PLXDC1: variants seen among roughly 807,000 people sequenced by gnomAD.
The protein encoded by PLXDC1 is plexin domain containing 1, also known as plexin domain-containing protein 1.
A neutral mutation model predicts 61.3 loss-of-function variants in PLXDC1; 39 were observed. That is an observed-to-expected ratio of 0.64 (90% CI 0.49 to 0.83). PLXDC1 has a LOEUF of 0.83. Ranked by LOEUF, PLXDC1 falls within the 40% of genes least tolerant of loss-of-function variation. The probability of loss-of-function intolerance (pLI) is 0.00; values close to 1 mark genes in which losing one functional copy is unlikely to be tolerated. For synonymous variants in PLXDC1, 212 were observed against 254.5 expected, an observed-to-expected ratio of 0.83 and a Z score of 1.59; for missense variants, 596 against 666.5, an observed-to-expected ratio of 0.89 and a Z score of 1.17.
chr17:39,079,893 C>G (rs1909488667), intron 9 of PLXDC1: 1 of 266,836 alleles, frequency 3.7e-6, no homozygotes, highest in Non-Finnish European at 7.4e-6. Context: ...GAATTCTCAG[C>G]AGGTTAACTG....
intron 7 of PLXDC1, among the ~76,000 whole-genome samples, chr17:39,100,177 G>A (rs550414169): frequency 1.7e-4 from 26 of 152,244 alleles, no homozygotes; most frequent in African/African-American, 5.5e-4. Context: ...CTCTGAAGCC[G>A]GTCCCAACCC....
chr17:39,147,343 C>T lies in PLXDC1; in HGVS notation c.76+4019G>A, dbSNP rs536412390. On this transcript the variant is annotated intron_variant, in intron 1 of 13. Coordinates refer to ENST00000315392, the MANE Select transcript of PLXDC1 (RefSeq NM_020405.5). ...AACAATTCCCACACGTTGGCCACCC[C>T]ACCCCAAACCCCATAAAACCTCTAG... Among the ~76,000 whole-genome samples, 70 of 152,330 alleles carry T rather than the reference C, an allele frequency of 4.6e-4. 1 individual carries two copies. In the South Asian group the frequency reaches 0.014, roughly 31 times the overall value.
intron 7 of PLXDC1, among the ~76,000 whole-genome samples, chr17:39,093,279 C>T (rs945918830): frequency 6.6e-6 from 1 of 152,086 alleles, no homozygotes; most frequent in Non-Finnish European, 1.5e-5. Context: ...CCTATGTTGC[C>T]CAGGCTGGTC....
chr17:39,116,075 G>A (rs1210511427), intron 2 of PLXDC1, among the ~76,000 whole-genome samples: 4 of 152,116 alleles, frequency 2.6e-5, no homozygotes, highest in Non-Finnish European at 4.4e-5. Flanking sequence ...CCGAGATTGC[G>A]CCACTGCACT....
intron 7 of PLXDC1, among the ~76,000 whole-genome samples, chr17:39,103,763 T>A (rs1910501919): frequency 6.8e-6 from 1 of 147,216 alleles, no homozygotes; most frequent in Admixed American, 6.9e-5. Context: ...GGAGAATCAC[T>A]CGAACCCGGG....
In PLXDC1 at chr17:39,119,909, C is replaced by T. The variant is rs1911105384; in HGVS notation, c.256-10518G>A. On this transcript the variant is annotated intron_variant, in intron 2 of 13. Coordinates refer to ENST00000315392, the MANE Select transcript of PLXDC1 (RefSeq NM_020405.5). ...ACCAACTGAATGGACCCCCTCTTGGCCAATGAGACCCCAGAAAAGCTGAGT... is the reference window on the plus strand; with the variant it reads ...ACCAACTGAATGGACCCCCTCTTGGTCAATGAGACCCCAGAAAAGCTGAGT... Among the ~76,000 whole-genome samples, 3 of 151,958 alleles carry T rather than the reference C, an allele frequency of 2.0e-5. No homozygotes were observed. The South Asian group carries it at 6.2e-4, about 32-fold the overall frequency.
chr17:39,143,936 T>A (rs1912012863), intron 1 of PLXDC1, among the ~76,000 whole-genome samples: 1 of 152,168 alleles, frequency 6.6e-6, no homozygotes, highest in Non-Finnish European at 1.5e-5. Flanking sequence ...CTGTTTGTGC[T>A]GGGCTGGTCT....
chr17:39,081,666 G>A (rs1215705967), intron 9 of PLXDC1, among the ~76,000 whole-genome samples: 2 of 151,474 alleles, frequency 1.3e-5, no homozygotes, highest in Non-Finnish European at 1.5e-5. Flanking sequence ...TGATAGCCTG[G>A]GTGCAGTGGC....
At position 39,107,402 on chromosome 17, in the gene PLXDC1, C is replaced by A; in HGVS notation, c.711+5G>T. On this transcript the variant is annotated splice_donor_5th_base_variant and intron_variant, in intron 6 of 13. Transcript: ENST00000315392. Reference sequence around the variant, plus strand: ...CCAGCTGTCTCTGCAGCTGGGCCCACTCACCTCTTTATAGGCAAAGACAAT... The same window carrying A: ...CCAGCTGTCTCTGCAGCTGGGCCCAATCACCTCTTTATAGGCAAAGACAAT... 1 of 1,567,128 alleles carries A rather than the reference C, an allele frequency of 6.4e-7. No individual in the cohort carries two copies. The highest frequency in any genetic ancestry group is 8.7e-7 in the Non-Finnish European group (1 of 1,144,682).
In PLXDC1 at chr17:39,067,936, G is replaced by A; in HGVS notation, c.1407C>T (p.Ala469=). 6.2e-7 allele frequency: 1 copy of A among 1,614,042 alleles called. No homozygotes were observed. The highest frequency in any genetic ancestry group is 1.1e-5 in the South Asian group (1 of 91,082). The change falls in exon 14 of 14, where the codon GCC becomes GCT. Residue 469 remains alanine, a synonymous_variant. Transcript: ENST00000315392. ...FIERRPHHWP[A]MKFRSHPDHS... ...GGTCAGGGTGGCTGCGAAACTTCAT[G>A]GCTGGCCAGTGGTGAGGTCTACGCT... is the stretch of plus-strand genomic sequence containing the variant.
intron 2 of PLXDC1, among the ~76,000 whole-genome samples, chr17:39,112,446 T>C (rs115234085): frequency 0.014 from 1,937 of 142,094 alleles, 45 homozygotes; most frequent in African/African-American, 0.048. Context: ...AGCCCATCTT[T>C]TTTTTTCTTT....
chr17:39,151,386 C>T lies in PLXDC1; in HGVS notation c.52G>A (p.Ala18Thr). The change falls in exon 1 of 14, where the codon GCG (alanine) becomes ACG (threonine). Residue 18 changes from alanine to threonine, a missense_variant. Transcript: ENST00000315392. The surrounding 1 kb of genome is among the most constrained non-coding windows in gnomAD (Gnocchi z 5.2). ...LVLVLREAAR[A>T]LSPQPGAGHD... The stretch of plus-strand genomic sequence containing the variant: ...CCTGCTCCGGGCTGGGGGCTCAGCG[C>T]CCGGGCAGCCTCCCTGAGCACCAGC... The T allele has an allele frequency of 7.7e-7, 1 of 1,294,204 alleles. No individual in the cohort carries two copies. Among genetic ancestry groups the T allele is most frequent in the East Asian group, 3.1e-5 (1 of 32,052 alleles). 80.2% of individuals were successfully genotyped at this position (1,294,204 alleles called of 1,614,324 possible). A position where few individuals can be genotyped will look rare whatever the true frequency, so the allele number is the denominator to read the frequency against.
At position 39,104,062 on chromosome 17, in the gene PLXDC1, C is replaced by T. The variant is rs72823304; in HGVS notation, c.811+1792G>A. On this transcript the variant is annotated intron_variant, in intron 7 of 13. Coordinates refer to ENST00000315392, the MANE Select transcript of PLXDC1 (RefSeq NM_020405.5). ...TGCTTGTTCCTAGTCCTGCACTGTT[C>T]GCTACAGAACAAGGTGTCCTGCTGG... 5.0e-3 allele frequency among the ~76,000 whole-genome samples: 760 copies of T among 152,196 alleles called. 3 individuals are homozygous for T. Among genetic ancestry groups the T allele is most frequent in the Non-Finnish European group, 7.2e-3 (489 of 68,010 alleles).
intron 11 of PLXDC1, among the ~76,000 whole-genome samples, chr17:39,073,772 T>C (rs1909216556): frequency 6.6e-6 from 1 of 152,184 alleles, no homozygotes; most frequent in South Asian, 2.1e-4. Flanking sequence ...GCTATCAAGG[T>C]GTTCTGTTCT....
chr17:39,092,847 G>A (rs1910006650), intron 7 of PLXDC1, among the ~76,000 whole-genome samples: 1 of 152,142 alleles, frequency 6.6e-6, no homozygotes, highest in African/African-American at 2.4e-5. Flanking sequence ...GAGGAGTCCT[G>A]AATTGCCGTT....
intron 7 of PLXDC1, among the ~76,000 whole-genome samples, chr17:39,101,406 G>A (rs1910414577): frequency 6.6e-6 from 1 of 152,154 alleles, no homozygotes; most frequent in South Asian, 2.1e-4. Context: ...CATGTGGTAT[G>A]GGTGGCAATG....
intron 11 of PLXDC1, among the ~76,000 whole-genome samples, chr17:39,075,524 G>A (rs911711476): frequency 7.9e-5 from 12 of 152,162 alleles, no homozygotes; most frequent in African/African-American, 2.7e-4. Flanking sequence ...TCTTGGCTGT[G>A]TGACCTTGGG....
At chr17:39,072,053 A>T in intron 12 of PLXDC1, 1 of 206,228 alleles carries the variant, frequency 4.8e-6, no homozygotes, top group South Asian at 1.3e-4. Flanking sequence ...TGAGTGAGGA[A>T]AGAGAAGCTG....
At position 39,151,235 on chromosome 17, in the gene PLXDC1, C is replaced by T. The variant is rs1567777011; in HGVS notation, c.76+127G>A. 1.5e-6 allele frequency: 1 copy of T among 664,952 alleles called. No homozygotes were observed. 41.2% of individuals were successfully genotyped at this position (664,952 alleles called of 1,614,324 possible). A position where few individuals can be genotyped will look rare whatever the true frequency, so the allele number is the denominator to read the frequency against. The stretch of plus-strand genomic sequence containing the variant: ...CACCTGCCCACAGCCCACAGCTCTC[C>T]TGGCCTCCTGCGGACAATGCCCCCC... On this transcript the variant is annotated intron_variant, in intron 1 of 13. Coordinates refer to ENST00000315392, the MANE Select transcript of PLXDC1 (RefSeq NM_020405.5). This position sits in a 1 kb window ranked among gnomAD's most constrained non-coding sequence, Gnocchi z 5.2.
Sources: allele counts gnomAD v4.1 joint callset (sites outside exome capture counted in the v4.1 genomes callset), GRCh38; gene constraint gnomAD v4.1.1; non-coding constraint Gnocchi (gnomAD v3.1); transcripts MANE v1.5; gene names NCBI Gene and HGNC (gene_info 2026-07-23, HGNC 2026-07-21).